The following TRAPPC9 variants were observed in gnomAD, a reference collection of about 807,000 sequenced individuals.
TRAPPC9 encodes the protein IKK2 binding protein.
In TRAPPC9, 83 loss-of-function variants were observed where a neutral mutation model predicts 124.0. The ratio of observed to expected loss-of-function variants is 0.67; its 90% CI spans 0.56 to 0.80. The LOEUF is 0.80. Ranked by LOEUF, TRAPPC9 falls within the 30% of genes least tolerant of loss-of-function variation. TRAPPC9 has a pLI of 0.00. For missense variants in TRAPPC9, 1,302 were observed against 1,508.3 expected (o/e 0.86, Z 2.27); for synonymous variants, 638 against 617.5 (o/e 1.03, Z -0.49).
chr8:140,320,535 G>A (rs1242305577), intron 9 of TRAPPC9, among the ~76,000 whole-genome samples: 1 of 152,182 alleles, frequency 6.6e-6, no homozygotes, highest in East Asian at 1.9e-4. Context: ...CTCAGGCTCT[G>A]TGACCAACGA....
At chr8:140,456,548 G>A (rs1218333370) in intron 1 of TRAPPC9, among the ~76,000 whole-genome samples, 1 of 151,360 alleles carries the variant, frequency 6.6e-6, no homozygotes, top group Admixed American at 6.6e-5. Context: ...ACATGTTTCC[G>A]GACAACTGTT....
At chr8:139,905,532 T>A (rs1229982383) in intron 20 of TRAPPC9, among the ~76,000 whole-genome samples, 1 of 152,050 alleles carries the variant, frequency 6.6e-6, no homozygotes, top group Non-Finnish European at 1.5e-5. Flanking sequence ...CTGTCCCCAC[T>A]TCATGATGAG....
intron 21 of TRAPPC9, among the ~76,000 whole-genome samples, chr8:139,771,291 T>C (rs886609438): frequency 2.6e-5 from 4 of 152,100 alleles, no homozygotes; most frequent in Admixed American, 6.5e-5. Context: ...CAGAGAACGG[T>C]GCCGCCCAGC....
At chr8:140,304,615 C>T (rs1335317619) in intron 10 of TRAPPC9, among the ~76,000 whole-genome samples, 1 of 152,166 alleles carries the variant, frequency 6.6e-6, no homozygotes, top group African/African-American at 2.4e-5. Context: ...TTAACTACTG[C>T]ACACAGATTC....
At chr8:140,318,471 G>A (rs2066498649) in intron 9 of TRAPPC9, among the ~76,000 whole-genome samples, 1 of 152,142 alleles carries the variant, frequency 6.6e-6, no homozygotes, top group African/African-American at 2.4e-5. Context: ...CTCAAAAAAA[G>A]TCAACTTACT....
intron 15 of TRAPPC9, among the ~76,000 whole-genome samples, chr8:140,255,969 A>T (rs1384484525): frequency 2.0e-5 from 3 of 152,250 alleles, no homozygotes; most frequent in African/African-American, 7.2e-5. Flanking sequence ...GGAAAGTATT[A>T]TCCAAAACTC....
rs531318582 is a variant in TRAPPC9 at position 139,861,793 on chromosome 8, C to T, written c.3055+24086G>A. ...GTCTCCACATGGGAAAACGTGAAGA[C>T]GCACTGTCTCCCCTGCCTGCCATGA... On this transcript the variant is annotated intron_variant, in intron 21 of 22. Transcript: ENST00000438773. Among the ~76,000 whole-genome samples, 28 of 152,096 alleles carry T rather than the reference C, an allele frequency of 1.8e-4. 1 individual carries two copies. The highest frequency in any genetic ancestry group is 2.2e-4 in the Non-Finnish European group (15 of 68,034).
intron 17 of TRAPPC9, among the ~76,000 whole-genome samples, chr8:140,061,812 C>T (rs1264180468): frequency 6.6e-6 from 1 of 152,228 alleles, no homozygotes; most frequent in East Asian, 1.9e-4. Flanking sequence ...CTGATCCTGT[C>T]ATTAACAGAG....
intron 21 of TRAPPC9, among the ~76,000 whole-genome samples, chr8:139,850,771 A>C (rs1827390488): frequency 6.6e-6 from 1 of 152,046 alleles, no homozygotes; most frequent in African/African-American, 2.4e-5. Flanking sequence ...CCTTCACCCA[A>C]TTATACACTG....
At chr8:139,789,977 C>T (rs1822541382) in intron 21 of TRAPPC9, among the ~76,000 whole-genome samples, 1 of 152,182 alleles carries the variant, frequency 6.6e-6, no homozygotes, top group South Asian at 2.1e-4. Context: ...AGGGGAAGGA[C>T]ATTTGGTGTG....
intron 7 of TRAPPC9, among the ~76,000 whole-genome samples, chr8:140,392,916 T>C (rs1259914052): frequency 6.6e-6 from 1 of 152,204 alleles, no homozygotes; most frequent in African/African-American, 2.4e-5. Flanking sequence ...GGCAGACATG[T>C]TTGCTGAATG....
intron 19 of TRAPPC9, among the ~76,000 whole-genome samples, chr8:139,927,237 T>C (rs1832870490): frequency 6.7e-6 from 1 of 148,576 alleles, no homozygotes; most frequent in African/African-American, 2.5e-5. Flanking sequence ...GGGAATCTGC[T>C]ATTTTTTCTT....
chr8:140,239,358 G>C lies in TRAPPC9; in HGVS notation c.2431+13419C>G, dbSNP rs185343110. On this transcript the variant is annotated intron_variant, in intron 16 of 22. Transcript: ENST00000438773. ...TCAGATGGGGCCCTCGGGAGTTCCA[G>C]TGTTTCCAGGTAAAGAGGAAAAGGA... 1.6e-4 allele frequency among the ~76,000 whole-genome samples: 24 copies of C among 152,316 alleles called. No individual in the cohort carries two copies. In the East Asian group the frequency reaches 3.7e-3, roughly 23 times the overall value.
intron 16 of TRAPPC9, among the ~76,000 whole-genome samples, chr8:140,249,672 C>T (rs910514944): frequency 2.9e-4 from 41 of 142,272 alleles, no homozygotes; most frequent in African/African-American, 9.0e-4. Flanking sequence ...GGCGCGATCT[C>T]GGCTCACTGC....
At chr8:140,306,452 C>A (rs1428787018) in intron 10 of TRAPPC9, among the ~76,000 whole-genome samples, 1 of 144,588 alleles carries the variant, frequency 6.9e-6, no homozygotes, top group Non-Finnish European at 1.5e-5. Context: ...TAGACTGCGC[C>A]ACTGCACTCC....
chr8:139,967,840 A>T (rs1035680687), intron 19 of TRAPPC9, among the ~76,000 whole-genome samples: 13 of 152,090 alleles, frequency 8.5e-5, no homozygotes, highest in Non-Finnish European at 1.5e-4. Context: ...TTTTGTTTTT[A>T]AAAAAAACAC....
chr8:140,455,681 G>A (rs1588391634), intron 1 of TRAPPC9, among the ~76,000 whole-genome samples: 1 of 150,352 alleles, frequency 6.7e-6, no homozygotes, highest in South Asian at 2.1e-4. Flanking sequence ...TGCCCGCCTC[G>A]GCCTCCCAAA....
rs190032809 is a variant in TRAPPC9, at chr8:140,250,783, G to A, written c.2431+1994C>T. 1.9e-3 allele frequency among the ~76,000 whole-genome samples: 296 copies of A among 152,144 alleles called. 1 individual carries two copies. Among genetic ancestry groups the A allele is most frequent in the Non-Finnish European group, 2.5e-3 (173 of 67,998 alleles). On this transcript the variant is annotated intron_variant, in intron 16 of 22. Coordinates refer to ENST00000438773, the MANE Select transcript of TRAPPC9 (RefSeq NM_001160372.4). ...CTTCTATTAACTGTTATTAATAAAGGGGGCATCTCATGAGTAACCACTACG... is the reference window on the plus strand; with the variant it reads ...CTTCTATTAACTGTTATTAATAAAGAGGGCATCTCATGAGTAACCACTACG...
intron 21 of TRAPPC9, among the ~76,000 whole-genome samples, chr8:139,752,765 T>C (rs773410341): frequency 8.7e-5 from 13 of 148,972 alleles, no homozygotes; most frequent in Non-Finnish European, 1.9e-4. Flanking sequence ...CATCTATATA[T>C]CCATCCATCC....
Sources: gnomAD v4.1 joint callset for allele counts (sites outside exome capture counted in the v4.1 genomes callset) on GRCh38, gnomAD v4.1.1 for gene constraint, MANE v1.5 for transcripts, NCBI Gene and HGNC (gene_info 2026-07-23, HGNC 2026-07-21) for gene names.